Variants in NLGN1 observed in about 807,000 individuals in gnomAD.
The protein encoded by NLGN1 is neuroligin 1.
A neutral mutation model predicts 65.5 loss-of-function variants in NLGN1; 12 were observed. The observed-to-expected ratio is 0.18, with a 90% CI of 0.12 to 0.30. The LOEUF (loss-of-function observed/expected upper bound fraction) is 0.30, where lower values mean the gene tolerates loss of function less well. Ranked by LOEUF, NLGN1 falls within the 10% of genes least tolerant of loss-of-function variation. The probability of loss-of-function intolerance (pLI) is 1.00; values close to 1 mark genes in which losing one functional copy is unlikely to be tolerated. For synonymous variants in NLGN1, 350 were observed against 359.5 expected (o/e 0.97, Z 0.30); for missense variants, 750 against 1,007.1 (o/e 0.74, Z 3.46).
intron 4 of NLGN1, among the ~76,000 whole-genome samples, chr3:173,863,521 A>C (rs1211415516): frequency 6.6e-6 from 1 of 152,174 alleles, no homozygotes; most frequent in Non-Finnish European, 1.5e-5. Context: ...CCTCAATTTC[A>C]TTGTAAATGC....
chr3:174,240,967 TGC>T (rs1289980516), intron 4 of NLGN1, among the ~76,000 whole-genome samples: 1 of 152,190 alleles, frequency 6.6e-6, no homozygotes, highest in Non-Finnish European at 1.5e-5. Context: ...CTCTTCCTTG[TGC>T]CACGTCTTCT....
At chr3:174,197,025 A>T (rs946498851) in intron 4 of NLGN1, among the ~76,000 whole-genome samples, 1 of 152,116 alleles carries the variant, frequency 6.6e-6, no homozygotes, top group African/African-American at 2.4e-5. Context: ...TAACAAAGTC[A>T]TTTGGAGCGT....
At chr3:173,674,123 AT>A (rs745962225) in intron 3 of NLGN1, among the ~76,000 whole-genome samples, 30 of 152,246 alleles carry the variant, frequency 2.0e-4, no homozygotes, top group Non-Finnish European at 3.5e-4. Context: ...TCATCCAATA[AT>A]CATTCATGTC....
intron 4 of NLGN1, among the ~76,000 whole-genome samples, chr3:173,967,897 C>A (rs186196686): frequency 6.6e-6 from 1 of 152,194 alleles, no homozygotes; most frequent in East Asian, 1.9e-4. Flanking sequence ...GAAGTCTTCC[C>A]AAACCAGTGA....
At chr3:174,151,039 A>G (rs1262045201) in intron 4 of NLGN1, among the ~76,000 whole-genome samples, 1 of 151,554 alleles carries the variant, frequency 6.6e-6, no homozygotes, top group African/African-American at 2.4e-5. Flanking sequence ...TTTTCCCCCA[A>G]GTCTGAAACA....
chr3:173,815,308 C>T (rs557786087), intron 4 of NLGN1, among the ~76,000 whole-genome samples: 24 of 151,954 alleles, frequency 1.6e-4, no homozygotes, highest in African/African-American at 2.4e-4. Flanking sequence ...GGGGCTTCAC[C>T]GTGTTAGCAA....
chr3:174,163,150 G>T (rs532300439), intron 4 of NLGN1, among the ~76,000 whole-genome samples: 23 of 152,078 alleles, frequency 1.5e-4, no homozygotes, highest in African/African-American at 5.5e-4. Flanking sequence ...CTGTCTACTA[G>T]ACTAGATTTC....
chr3:173,616,921 G>A (rs546277521), intron 3 of NLGN1, among the ~76,000 whole-genome samples: 10 of 151,884 alleles, frequency 6.6e-5, no homozygotes, highest in South Asian at 2.1e-4. Flanking sequence ...CCCTACTATC[G>A]CCTAGAACAC....
At position 174,195,612 on chromosome 3, in the gene NLGN1, C is replaced by T. The variant is rs183312059; in HGVS notation, c.647-79703C>T. Among the ~76,000 whole-genome samples, 306 of 152,260 alleles carry T rather than the reference C, an allele frequency of 2.0e-3. 1 individual carries two copies. Among genetic ancestry groups the T allele is most frequent in the African/African-American group, 7.2e-3 (299 of 41,558 alleles). On this transcript the variant is annotated intron_variant, in intron 4 of 6. Transcript: ENST00000457714. ...CTCTCTAGGGGCCAAATTCATAATC[C>T]ATGGCAGCCAATGCAGCCGAAGTGT...
intron 4 of NLGN1, among the ~76,000 whole-genome samples, chr3:174,135,847 A>C (rs1317194622): frequency 6.6e-6 from 1 of 152,164 alleles, no homozygotes; most frequent in African/African-American, 2.4e-5. Flanking sequence ...AGGAAAAGCC[A>C]TTTTTAAGAT....
At chr3:173,434,480 A>G (rs16826381) in intron 1 of NLGN1, among the ~76,000 whole-genome samples, 3,580 of 152,266 alleles carry the variant, frequency 0.024, 67 homozygotes, top group African/African-American at 0.041. Flanking sequence ...TTCAAGTAGT[A>G]TACTTTTGTT....
chr3:173,676,380 A>G (rs949374293), intron 3 of NLGN1, among the ~76,000 whole-genome samples: 1 of 152,122 alleles, frequency 6.6e-6, no homozygotes, highest in Non-Finnish European at 1.5e-5. Context: ...ATTCCAAATC[A>G]GTTCAAGTAC....
At chr3:173,980,551 T>C (rs948891288) in intron 4 of NLGN1, among the ~76,000 whole-genome samples, 1 of 152,094 alleles carries the variant, frequency 6.6e-6, no homozygotes, top group Non-Finnish European at 1.5e-5. Context: ...TTTGGGAATA[T>C]AGTTCTTTCT....
chr3:173,786,231 G>C (rs1158958680), intron 3 of NLGN1, among the ~76,000 whole-genome samples: 4 of 152,184 alleles, frequency 2.6e-5, no homozygotes, highest in Non-Finnish European at 4.4e-5. Flanking sequence ...TTCCAATGCA[G>C]AGGGAGGGCC....
chr3:173,734,921 C>A (rs1373932251), intron 3 of NLGN1, among the ~76,000 whole-genome samples: 1 of 152,058 alleles, frequency 6.6e-6, no homozygotes, highest in East Asian at 1.9e-4. Flanking sequence ...TGGATCTTTT[C>A]TTAGATTATG....
chr3:173,762,503 AT>A (rs1271105895), intron 3 of NLGN1, among the ~76,000 whole-genome samples: 13 of 151,972 alleles, frequency 8.6e-5, no homozygotes. Flanking sequence ...AAATGATGTG[AT>A]TTTTTTCTTT....
chr3:173,615,701 T>G (rs941019373), intron 3 of NLGN1, among the ~76,000 whole-genome samples: 4 of 151,500 alleles, frequency 2.6e-5, no homozygotes, highest in African/African-American at 9.7e-5. Context: ...CCACCTTAGT[T>G]GCTCTGCCAA....
chr3:173,902,614 A>G lies in NLGN1; in HGVS notation c.646+94782A>G, dbSNP rs904847322. Among the ~76,000 whole-genome samples, 56 of 152,144 alleles carry G rather than the reference A, an allele frequency of 3.7e-4. 1 individual carries two copies. The highest frequency in any genetic ancestry group is 1.3e-3 in the African/African-American group (53 of 41,454). ...TTTTTAAGTTGGCAAGCCTCTGGCA[A>G]CTATATGCTAATATTTGATTGTGGT... is the stretch of plus-strand genomic sequence containing the variant. On this transcript the variant is annotated intron_variant, in intron 4 of 6. Coordinates refer to ENST00000457714, the Ensembl canonical transcript of NLGN1.
intron 4 of NLGN1, among the ~76,000 whole-genome samples, chr3:173,893,000 T>C (rs1579032471): frequency 6.6e-6 from 1 of 152,300 alleles, no homozygotes; most frequent in East Asian, 1.9e-4. Context: ...TTGCCTCTTG[T>C]ATACCTGCTA....
Sources: gnomAD v4.1 joint callset for allele counts (sites outside exome capture counted in the v4.1 genomes callset) on GRCh38, gnomAD v4.1.1 for gene constraint, MANE v1.5 for transcripts, NCBI Gene and HGNC (gene_info 2026-07-23, HGNC 2026-07-21) for gene names.